ANKRD37: variants seen among roughly 807,000 people sequenced by gnomAD.
ANKRD37 encodes ankyrin repeat domain 37.
In ANKRD37, 17 loss-of-function variants were observed where a neutral mutation model predicts 19.7. That is an observed-to-expected ratio of 0.86 (90% CI 0.59 to 1.29). The LOEUF is 1.29. ANKRD37 is among the 50% of genes most tolerant of loss of function. The probability of loss-of-function intolerance (pLI) is 0.00; values close to 1 mark genes in which losing one functional copy is unlikely to be tolerated. For synonymous variants in ANKRD37, 79 were observed against 74.5 expected (o/e 1.06, Z -0.31); for missense variants, 207 against 190.4 (o/e 1.09, Z -0.51).
chr4:185,398,890 CAA>C (rs920513709), intron 2 of ANKRD37, 45 bp from the exon 3 acceptor site: 3 of 1,480,324 alleles, frequency 2.0e-6, no homozygotes, highest in Non-Finnish European at 2.8e-6. Context: ...TCAACTTTCA[CAA>C]AAAGTGTTTT....
chr4:185,397,366 T>C, intron 2 of ANKRD37, 64 bp downstream of exon 2: 3 of 1,568,934 alleles, frequency 1.9e-6, no homozygotes, highest in Non-Finnish European at 1.7e-6. Flanking sequence ...CAAACATTTC[T>C]CAGACGCCAA....
Position 185,400,093 on chromosome 4 carries a change from AC to A in ANKRD37, c.*78del. ...TCTATAAGCTCCTGCTTTTGGCTTT[AC>A]CATATGTTGTGTCTAATCTCCTTCT... On this transcript the variant is annotated 3_prime_UTR_variant, in exon 5 of 5. Transcript: ENST00000335174. 7.3e-7 allele frequency: 1 copy of A among 1,370,588 alleles called. No individual in the cohort carries two copies. The highest frequency in any genetic ancestry group is 1.0e-6 in the Non-Finnish European group (1 of 983,554). The allele number at this position is 1,370,588 out of a possible 1,614,324, so 84.9% of individuals were successfully genotyped here.
At chr4:185,397,509 T>A in intron 2 of ANKRD37, 2 of 602,960 alleles carry the variant, frequency 3.3e-6, no homozygotes, top group Non-Finnish European at 5.3e-6. Flanking sequence ...AGTTTTTAAG[T>A]AGCCACATTA....
intron 2 of ANKRD37, 123 bp from the exon 3 acceptor site, chr4:185,398,814 A>T: frequency 2.0e-6 from 1 of 493,022 alleles, no homozygotes; most frequent in Non-Finnish European, 3.3e-6. Flanking sequence ...AAAAAAAAAA[A>T]TTCCCTGTCC....
In ANKRD37 at chr4:185,397,150, G is replaced by A; in HGVS notation, c.28G>A (p.Val10Met). ...TGCTGGATCTGTTCTCTTCCTGCAG[G>A]TGGATGGTCTGAAGCATTTGCTGGA... is the stretch of plus-strand genomic sequence containing the variant. MLLLDCNPE[V>M]DGLKHLLETG... Residue 10 changes from valine to methionine, a missense_variant and splice_region_variant, in exon 2 of 5, where the codon GTG becomes ATG. Physicochemically the swap from Val to Met is conservative, Grantham distance 21 (BLOSUM62 1). Transcript: ENST00000335174. 4 of 1,613,374 alleles carry A rather than the reference G, an allele frequency of 2.5e-6. No homozygotes were observed. Among genetic ancestry groups the A allele is most frequent in the Non-Finnish European group, 2.5e-6 (3 of 1,179,990 alleles).
In ANKRD37 at chr4:185,399,598, G is replaced by A. The variant is rs761152223; in HGVS notation, c.301G>A (p.Glu101Lys). 1.9e-6 allele frequency: 3 copies of A among 1,614,090 alleles called. No homozygotes were observed. Among genetic ancestry groups the A allele is most frequent in the African/African-American group, 2.7e-5 (2 of 74,934 alleles). Residue 101 changes from glutamate (E) to lysine (K), a missense_variant, in exon 4 of 5, where the codon GAA becomes AAA. Coordinates refer to ENST00000335174, the MANE Select transcript of ANKRD37 (RefSeq NM_181726.4). Reference sequence around the variant, plus strand: ...ATGTAATAAGAACGGGCAAACAGCTGAAGATCTCGCTTGGTCATGTGGATT... The same window carrying A: ...ATGTAATAAGAACGGGCAAACAGCTAAAGATCTCGCTTGGTCATGTGGATT... ...DLCNKNGQTA[E>K]DLAWSCGFPD...
intron 3 of ANKRD37, 65 bp downstream of exon 3, chr4:185,399,093 A>G (rs2095509823): frequency 7.5e-7 from 1 of 1,336,232 alleles, no homozygotes; most frequent in Admixed American, 1.8e-5. Flanking sequence ...AGACTCCTGA[A>G]GCTTAGTTAC....
intron 2 of ANKRD37, among the ~76,000 whole-genome samples, chr4:185,398,420 G>T (rs1251102313): frequency 6.6e-6 from 1 of 152,206 alleles, no homozygotes; most frequent in Admixed American, 6.5e-5. Flanking sequence ...ATACTGAAAT[G>T]AATATGCAAG....
At chr4:185,398,357 A>G (rs1392317121) in intron 2 of ANKRD37, among the ~76,000 whole-genome samples, 2 of 152,242 alleles carry the variant, frequency 1.3e-5, no homozygotes, top group African/African-American at 2.4e-5. Flanking sequence ...AACAAAAATA[A>G]AAAGCTTGAA....
chr4:185,399,676 G>C lies in ANKRD37; in HGVS notation c.379G>C (p.Ala127Pro). The C allele has an allele frequency of 1.2e-6, 2 of 1,614,148 alleles. No individual in the cohort carries two copies. The highest frequency in any genetic ancestry group is 8.5e-7 in the Non-Finnish European group (1 of 1,180,034). The change falls in exon 4 of 5, where the codon GCA (alanine) becomes CCA (proline). Residue 127 changes from alanine (A) to proline (P), a missense_variant. Physicochemically the swap from Ala to Pro is conservative, Grantham distance 27 (BLOSUM62 -1). Coordinates refer to ENST00000335174, the MANE Select transcript of ANKRD37 (RefSeq NM_181726.4). ...TTIKCMQTIKASEHPDRNDCV... is the reference protein window; with the variant it reads ...TTIKCMQTIKPSEHPDRNDCV... ...AATTAAATGTATGCAGACAATAAAAGCAAGTGAACACCCTGACAGGAATGA... is the reference window on the plus strand; with the variant it reads ...AATTAAATGTATGCAGACAATAAAACCAAGTGAACACCCTGACAGGAATGA...
Position 185,397,204 on chromosome 4 carries a change from G to A in ANKRD37, c.82G>A (p.Asp28Asn), listed in dbSNP as rs747310737. 4.3e-5 allele frequency: 70 copies of A among 1,613,920 alleles called. No individual in the cohort carries two copies. The East Asian group carries it at 1.5e-3, about 35-fold the overall frequency. The change falls in exon 2 of 5, where the codon GAT becomes AAT. Residue 28 changes from aspartate (D) to asparagine (N), a missense_variant. By Grantham distance (23) the Asp-to-Asn change is conservative. Coordinates refer to ENST00000335174, the MANE Select transcript of ANKRD37 (RefSeq NM_181726.4). ...ETGASVNAPP[D>N]PCKQSPVHLA... The stretch of plus-strand genomic sequence containing the variant: ...AGGGGCCTCGGTCAACGCACCCCCG[G>A]ATCCCTGCAAGCAGTCGCCTGTCCA...
downstream of ANKRD37, chr4:185,400,358 A>G (rs777769168): frequency 6.8e-7 from 1 of 1,460,236 alleles, no homozygotes. Context: ...AATTTATAAT[A>G]CCACTCTACT....
chr4:185,399,089 C>T, intron 3 of ANKRD37, 61 bp downstream of exon 3: 1 of 1,380,582 alleles, frequency 7.2e-7, no homozygotes, highest in Non-Finnish European at 1.0e-6. Flanking sequence ...AATCAGACTC[C>T]TGAAGCTTAG....
intron 2 of ANKRD37, 141 bp downstream of exon 2, chr4:185,397,443 CAG>C: frequency 8.6e-7 from 1 of 1,159,146 alleles, no homozygotes; most frequent in Non-Finnish European, 1.2e-6. Context: ...ATGCAAGACA[CAG>C]ATGTAATTTA....
At chr4:185,396,989 C>T (rs758385831) in intron 1 of ANKRD37, 39 bp downstream of exon 1, 2 of 1,612,626 alleles carry the variant, frequency 1.2e-6, no homozygotes, top group Admixed American at 1.7e-5. Flanking sequence ...TTTTGTCCTG[C>T]AGGCTCAAGC....
intron 2 of ANKRD37, among the ~76,000 whole-genome samples, chr4:185,398,250 G>A (rs2095508125): frequency 2.0e-5 from 3 of 152,130 alleles, no homozygotes; most frequent in Admixed American, 6.5e-5. Flanking sequence ...GAGCCACCGC[G>A]CCCAGCCACA....
chr4:185,399,526 T>C, intron 3 of ANKRD37, 44 bp from the exon 4 acceptor site: 1 of 1,597,974 alleles, frequency 6.3e-7, no homozygotes, highest in Non-Finnish European at 8.6e-7. Context: ...AAAAAAGACT[T>C]AAGTTCAATG....
chr4:185,400,271 T>G, downstream of ANKRD37: 1 of 874,332 alleles, frequency 1.1e-6, no homozygotes, highest in African/African-American at 1.7e-5. Flanking sequence ...TTACAACCTT[T>G]GAAAAAGGTC....
chr4:185,397,335 C>T, intron 2 of ANKRD37, 33 bp downstream of exon 2: 3 of 1,601,298 alleles, frequency 1.9e-6, no homozygotes, highest in South Asian at 1.1e-5. Context: ...GTACAGCCGT[C>T]CCCTCCAACC....
Sources: allele counts gnomAD v4.1 joint callset (sites outside exome capture counted in the v4.1 genomes callset), GRCh38; gene constraint gnomAD v4.1.1; transcripts MANE v1.5; gene names NCBI Gene and HGNC (gene_info 2026-07-23, HGNC 2026-07-21).